Variants in PRIMPOL observed in about 807,000 individuals in gnomAD.
PRIMPOL encodes primase and DNA directed polymerase, also known as DNA-directed primase/polymerase protein.
PRIMPOL carries 54 observed loss-of-function variants against 63.6 expected under a neutral mutation model. The observed-to-expected ratio is 0.85, with a 90% CI of 0.68 to 1.07. The LOEUF (loss-of-function observed/expected upper bound fraction) is 1.07, where lower values mean the gene tolerates loss of function less well. Ranked by LOEUF, PRIMPOL falls within the 50% of genes least tolerant of loss-of-function variation. The pLI is 0.00. For synonymous variants in PRIMPOL, 197 were observed against 220.2 expected, an observed-to-expected ratio of 0.89 and a Z score of 0.93; for missense variants, 610 against 648.3, an observed-to-expected ratio of 0.94 and a Z score of 0.64.
At chr4:184,688,697 G>A (rs1460074370) in intron 11 of PRIMPOL, among the ~76,000 whole-genome samples, 3 of 152,160 alleles carry the variant, frequency 2.0e-5, no homozygotes, top group Non-Finnish European at 2.9e-5. Context: ...TGACATTTCC[G>A]GAAAGCATGC....
intron 11 of PRIMPOL, among the ~76,000 whole-genome samples, chr4:184,688,116 A>G (rs924415485): frequency 1.3e-5 from 2 of 152,180 alleles, no homozygotes; most frequent in African/African-American, 4.8e-5. Flanking sequence ...TTGGGTTGCT[A>G]TTATAAACCG....
At position 184,691,566 on chromosome 4, in the gene PRIMPOL, A is replaced by G. The variant is rs773119132; in HGVS notation, c.1363A>G (p.Asn455Asp). The G allele has an allele frequency of 6.2e-7, 1 of 1,608,918 alleles. No homozygotes were observed. The highest frequency in any genetic ancestry group is 1.1e-5 in the South Asian group (1 of 90,806). ...TCATGACCCTGTATGTAAAGCAGAA[A>G]ACTTCAAATCTGACTGTAAGTTACT... ...KCHDPVCKAENFKSDCFPLPA... is the reference protein window; with the variant it reads ...KCHDPVCKAEDFKSDCFPLPA... Residue 455 changes from asparagine to aspartate, a missense_variant, in exon 12 of 14, where the codon AAC becomes GAC. Asn to Asp is a conservative substitution (Grantham distance 23). Around this residue, in one of 3 missense-constraint regions of PRIMPOL, gnomAD observed 444 missense variants for 456.4 expected, o/e 0.97. Transcript: ENST00000314970.
At chr4:184,671,232 C>T (rs1289717752) in intron 6 of PRIMPOL, among the ~76,000 whole-genome samples, 1 of 152,110 alleles carries the variant, frequency 6.6e-6, no homozygotes, top group African/African-American at 2.4e-5. Context: ...GGCCGTAGTC[C>T]ATCGTGTGCC....
At chr4:184,656,978 T>G in intron 2 of PRIMPOL, 104 bp from the exon 3 acceptor site, 1 of 525,516 alleles carries the variant, frequency 1.9e-6, no homozygotes, top group Non-Finnish European at 3.1e-6. Context: ...ATGCAAAGAA[T>G]AAACAAGAAA....
intron 7 of PRIMPOL, among the ~76,000 whole-genome samples, chr4:184,675,623 C>T (rs2150107920): frequency 6.6e-6 from 1 of 152,188 alleles, no homozygotes; most frequent in South Asian, 2.1e-4. Flanking sequence ...TCAAGACCAG[C>T]CTGACCAACG....
At chr4:184,660,633 C>A (rs572649279) in intron 4 of PRIMPOL, among the ~76,000 whole-genome samples, 106 of 152,274 alleles carry the variant, frequency 7.0e-4, no homozygotes, top group Non-Finnish European at 1.3e-3. Flanking sequence ...ACATGCAACA[C>A]CAGTTAGAGT....
At chr4:184,661,010 A>AT (rs1387958145) in intron 4 of PRIMPOL, among the ~76,000 whole-genome samples, 1 of 152,212 alleles carries the variant, frequency 6.6e-6, no homozygotes, top group Non-Finnish European at 1.5e-5. Context: ...GTGATTCAGA[A>AT]TTTTTTAAGC....
intron 13 of PRIMPOL, among the ~76,000 whole-genome samples, chr4:184,693,271 T>A (rs754268868): frequency 2.8e-4 from 43 of 152,322 alleles, no homozygotes; most frequent in Admixed American, 7.8e-4. Flanking sequence ...AAGTAAATTT[T>A]AAAAAATAAA....
intron 5 of PRIMPOL, among the ~76,000 whole-genome samples, chr4:184,663,430 A>T (rs1748964831): frequency 6.6e-6 from 1 of 152,188 alleles, no homozygotes; most frequent in South Asian, 2.1e-4. Context: ...CATGGGCTAC[A>T]AGGAACCTCG....
chr4:184,654,444 G>A (rs1745624924), intron 2 of PRIMPOL, among the ~76,000 whole-genome samples: 1 of 46,238 alleles, frequency 2.2e-5, no homozygotes. Flanking sequence ...GTATTGACAA[G>A]TTAAAGCAGT....
At position 184,659,338 on chromosome 4, in the gene PRIMPOL, A is replaced by G; in HGVS notation, c.181-2A>G. 2 of 1,609,016 alleles carry G rather than the reference A, an allele frequency of 1.2e-6. No individual in the cohort carries two copies. The highest frequency in any genetic ancestry group is 1.7e-6 in the Non-Finnish European group (2 of 1,175,712). On this transcript the variant is annotated splice_acceptor_variant, in intron 3 of 13. Coordinates refer to ENST00000314970, the MANE Select transcript of PRIMPOL (RefSeq NM_152683.4). LOFTEE classifies it high-confidence loss of function. ...TCTGAATTCTTTTTTGATTTTATGC[A>G]GGACGTTCATGTATTTGCTTTGGAA...
chr4:184,689,153 T>TCTC (rs1397171410), intron 11 of PRIMPOL, among the ~76,000 whole-genome samples: 1 of 149,828 alleles, frequency 6.7e-6, no homozygotes, highest in African/African-American at 2.5e-5. Context: ...GCAGCCTTGA[T>TCTC]CTCCTGGGCT....
At chr4:184,681,709 G>A (rs1755674922) in intron 8 of PRIMPOL, among the ~76,000 whole-genome samples, 16 of 152,044 alleles carry the variant, frequency 1.1e-4, no homozygotes, top group Admixed American at 1.0e-3. Context: ...CATGTAGCTG[G>A]AATTACAGGC....
chr4:184,689,467 T>C (rs1410209130), intron 11 of PRIMPOL, among the ~76,000 whole-genome samples: 1 of 144,980 alleles, frequency 6.9e-6, no homozygotes, highest in Admixed American at 6.9e-5. Flanking sequence ...TTTTTTTTTT[T>C]TTTGAGATGG....
chr4:184,662,269 T>G (rs941874420), intron 5 of PRIMPOL, among the ~76,000 whole-genome samples: 10 of 152,174 alleles, frequency 6.6e-5, no homozygotes, highest in Non-Finnish European at 1.0e-4. Context: ...GGTACTGAGA[T>G]GAACCTCAAG....
rs1346605497 is a variant in PRIMPOL at position 184,659,323 on chromosome 4, T to C, written c.181-17T>C. Reference sequence around the variant, plus strand: ...CATTTTGTGAATTTTTCTGAATTCTTTTTTGATTTTATGCAGGACGTTCAT... The same window carrying C: ...CATTTTGTGAATTTTTCTGAATTCTCTTTTGATTTTATGCAGGACGTTCAT... On this transcript the variant is annotated splice_polypyrimidine_tract_variant and intron_variant, in intron 3 of 13. Coordinates refer to ENST00000314970, the MANE Select transcript of PRIMPOL (RefSeq NM_152683.4). The C allele has an allele frequency of 6.3e-7, 1 of 1,597,054 alleles. No individual in the cohort carries two copies. The highest frequency in any genetic ancestry group is 8.6e-7 in the Non-Finnish European group (1 of 1,165,464).
intron 8 of PRIMPOL, among the ~76,000 whole-genome samples, chr4:184,679,990 T>A (rs1224286770): frequency 6.6e-6 from 1 of 152,156 alleles, no homozygotes; most frequent in Non-Finnish European, 1.5e-5. Context: ...CAAAACAACA[T>A]TATTCAAAGA....
At chr4:184,662,975 G>A (rs1748779155) in intron 5 of PRIMPOL, among the ~76,000 whole-genome samples, 1 of 148,222 alleles carries the variant, frequency 6.7e-6, no homozygotes, top group African/African-American at 2.5e-5. Context: ...AAATTTAGAT[G>A]CTTATTTCAT....
chr4:184,657,917 C>T lies in PRIMPOL; in HGVS notation c.180+597C>T, dbSNP rs577948565. Among the ~76,000 whole-genome samples the T allele has an allele frequency of 4.0e-3, 611 of 152,014 alleles. 2 individuals carry two copies. Among genetic ancestry groups the T allele is most frequent in the Non-Finnish European group, 6.4e-3 (437 of 67,988 alleles). On this transcript the variant is annotated intron_variant, in intron 3 of 13. Coordinates refer to ENST00000314970, the MANE Select transcript of PRIMPOL (RefSeq NM_152683.4). ...CTGAGGCAGGAGAATGGCTTGAACC[C>T]GGAAGGCGGAGTTTGCTGTGAGCCG... is the stretch of plus-strand genomic sequence containing the variant.
Sources: gnomAD v4.1 joint callset for allele counts (sites outside exome capture counted in the v4.1 genomes callset) on GRCh38, gnomAD v4.1.1 for gene constraint, gnomAD v4.1.1 regional missense constraint, MANE v1.5 for transcripts, NCBI Gene and HGNC (gene_info 2026-07-23, HGNC 2026-07-21) for gene names.